The following PLCXD3 variants were observed in gnomAD, a reference collection of about 807,000 sequenced individuals.
PLCXD3 encodes the protein PI-PLC X domain-containing protein 3.
In PLCXD3, 19 loss-of-function variants were observed where a neutral mutation model predicts 25.5. That is an observed-to-expected ratio of 0.75 (90% CI 0.52 to 1.09). The LOEUF (loss-of-function observed/expected upper bound fraction) is 1.09. PLCXD3 is among the 50% of genes least tolerant of loss of function. The probability of loss-of-function intolerance (pLI) is 0.00; values close to 1 mark genes in which losing one functional copy is unlikely to be tolerated. For missense variants in PLCXD3, 411 were observed against 388.1 expected (o/e 1.06, Z -0.50); for synonymous variants, 174 against 137.6 (o/e 1.26, Z -1.85).
intron 2 of PLCXD3, among the ~76,000 whole-genome samples, chr5:41,326,505 G>T (rs563272851): frequency 6.6e-6 from 1 of 152,034 alleles, no homozygotes; most frequent in African/African-American, 2.4e-5. Context: ...CTCATTTATT[G>T]CTACTTCCTG....
chr5:41,400,419 A>C (rs1395431795), intron 1 of PLCXD3, among the ~76,000 whole-genome samples: 2 of 152,282 alleles, frequency 1.3e-5, no homozygotes, highest in East Asian at 3.9e-4. Flanking sequence ...TACAATACCT[A>C]AGATTTGGAA....
At chr5:41,496,570 C>T (rs905145689) in intron 1 of PLCXD3, among the ~76,000 whole-genome samples, 4 of 131,162 alleles carry the variant, frequency 3.0e-5, no homozygotes, top group African/African-American at 1.1e-4. Flanking sequence ...ACCGAGAGCA[C>T]AATATCTGAC....
At chr5:41,314,906 C>T (rs1743244721) in intron 2 of PLCXD3, among the ~76,000 whole-genome samples, 1 of 152,074 alleles carries the variant, frequency 6.6e-6, no homozygotes, top group African/African-American at 2.4e-5. Flanking sequence ...AGTCACTTAG[C>T]ATAGCCTGGA....
chr5:41,505,042 G>T (rs989410385), intron 1 of PLCXD3, among the ~76,000 whole-genome samples: 1 of 152,104 alleles, frequency 6.6e-6, no homozygotes, highest in Non-Finnish European at 1.5e-5. Context: ...GCACTCAACA[G>T]TTTTCATCTT....
chr5:41,416,930 A>G (rs1037152651), intron 1 of PLCXD3, among the ~76,000 whole-genome samples: 1 of 152,180 alleles, frequency 6.6e-6, no homozygotes, highest in Non-Finnish European at 1.5e-5. Context: ...AATTAATCCA[A>G]TATGAACAAA....
At position 41,423,085 on chromosome 5, in the gene PLCXD3, C is replaced by A. The variant is rs531311374; in HGVS notation, c.104-40551G>T. On this transcript the variant is annotated intron_variant, in intron 1 of 2. Coordinates refer to ENST00000377801, the MANE Select transcript of PLCXD3 (RefSeq NM_001005473.3). Reference sequence around the variant, plus strand: ...TTGTGAGGTGATCAAATTATTTTTTCTTTTTTTATCTGTTAATATGGTAAC... The same window carrying A: ...TTGTGAGGTGATCAAATTATTTTTTATTTTTTTATCTGTTAATATGGTAAC... 2.0e-4 allele frequency among the ~76,000 whole-genome samples: 30 copies of A among 151,866 alleles called. No individual in the cohort carries two copies. The South Asian group carries it at 6.2e-3, about 32-fold the overall frequency.
chr5:41,319,577 C>G (rs1743400252), intron 2 of PLCXD3, among the ~76,000 whole-genome samples: 1 of 151,874 alleles, frequency 6.6e-6, no homozygotes, highest in Admixed American at 6.6e-5. Flanking sequence ...AATGGAAACA[C>G]AACACACCAA....
chr5:41,387,372 G>C (rs1469393036), intron 1 of PLCXD3, among the ~76,000 whole-genome samples: 1 of 152,084 alleles, frequency 6.6e-6, no homozygotes, highest in Non-Finnish European at 1.5e-5. Flanking sequence ...TACAGAAGCT[G>C]TGAGAAAATT....
intron 1 of PLCXD3, among the ~76,000 whole-genome samples, chr5:41,466,635 A>T (rs1344693895): frequency 1.3e-5 from 2 of 152,036 alleles, no homozygotes; most frequent in African/African-American, 4.8e-5. Flanking sequence ...AGATCTCAAA[A>T]TCTATTTTTC....
intron 1 of PLCXD3, among the ~76,000 whole-genome samples, chr5:41,500,448 G>T (rs1748927774): frequency 6.6e-6 from 1 of 151,772 alleles, no homozygotes. Context: ...AAAAGGGAGA[G>T]ATAATGAGAA....
chr5:41,339,482 G>A (rs977365746), intron 2 of PLCXD3, among the ~76,000 whole-genome samples: 9 of 151,850 alleles, frequency 5.9e-5, no homozygotes, highest in African/African-American at 2.2e-4. Flanking sequence ...AATCACTGAC[G>A]TATGTGAATA....
At chr5:41,420,856 T>C (rs1170216581) in intron 1 of PLCXD3, among the ~76,000 whole-genome samples, 3 of 152,230 alleles carry the variant, frequency 2.0e-5, no homozygotes, top group African/African-American at 7.2e-5. Flanking sequence ...CTACGCTAAT[T>C]CTGGGCAGCT....
chr5:41,357,579 C>T (rs984659029), intron 2 of PLCXD3, among the ~76,000 whole-genome samples: 1 of 152,182 alleles, frequency 6.6e-6, no homozygotes, highest in Non-Finnish European at 1.5e-5. Context: ...GCTGACCAGG[C>T]AGTCAACCAG....
At position 41,309,903 on chromosome 5, in the gene PLCXD3, TGTA is replaced by T. The variant is rs1347902091; in HGVS notation, c.*3711_*3713del. ...TTTGAATTATGTTTATATCTACTAA[TGTA>T]GGAGATATTGATTTTAAGAGTTGAA... On this transcript the variant is annotated 3_prime_UTR_variant, in exon 3 of 3. Transcript: ENST00000377801. 1 of 152,160 alleles carries T rather than the reference TGTA, an allele frequency of 6.6e-6. No individual in the cohort carries two copies. Among genetic ancestry groups the T allele is most frequent in the African/African-American group, 2.4e-5 (1 of 41,462 alleles). 9.4% of individuals were successfully genotyped at this position (152,160 alleles called of 1,614,324 possible). A position where few individuals can be genotyped will look rare whatever the true frequency, so the allele number is the denominator to read the frequency against.
At chr5:41,498,565 A>C (rs1035427050) in intron 1 of PLCXD3, among the ~76,000 whole-genome samples, 2 of 151,682 alleles carry the variant, frequency 1.3e-5, no homozygotes, top group African/African-American at 4.8e-5. Context: ...CAGATGGTTT[A>C]AAGGTGAATT....
In PLCXD3 at chr5:41,332,816, T is replaced by C. The variant is rs372518010; in HGVS notation, c.813-19046A>G. ...GTAGGGACATGGATGAAATTGGAAA[T>C]CATCATTCTCAGTAAACTATCGCAA... On this transcript the variant is annotated intron_variant, in intron 2 of 2. Transcript: ENST00000377801. Among the ~76,000 whole-genome samples, 6 of 152,046 alleles carry C rather than the reference T, an allele frequency of 3.9e-5. No individual in the cohort carries two copies. The East Asian group carries it at 9.7e-4, about 25-fold the overall frequency.
At chr5:41,480,835 G>A (rs956147327) in intron 1 of PLCXD3, among the ~76,000 whole-genome samples, 1 of 151,928 alleles carries the variant, frequency 6.6e-6, no homozygotes, top group Non-Finnish European at 1.5e-5. Context: ...GCTTGAACCC[G>A]GGAGGTGGAG....
At chr5:41,440,116 T>A (rs1272710532) in intron 1 of PLCXD3, among the ~76,000 whole-genome samples, 1 of 151,680 alleles carries the variant, frequency 6.6e-6, no homozygotes, top group Non-Finnish European at 1.5e-5. Context: ...GTCCCTAGAT[T>A]CAGGAGCCAG....
At chr5:41,492,973 G>A (rs1158197876) in intron 1 of PLCXD3, among the ~76,000 whole-genome samples, 1 of 152,232 alleles carries the variant, frequency 6.6e-6, no homozygotes, top group African/African-American at 2.4e-5. Flanking sequence ...TTGCTGGTGA[G>A]GAACTGCGTT....
Sources: allele counts gnomAD v4.1 joint callset (sites outside exome capture counted in the v4.1 genomes callset), GRCh38; gene constraint gnomAD v4.1.1; transcripts MANE v1.5; gene names NCBI Gene and HGNC (gene_info 2026-07-23, HGNC 2026-07-21).